Variants in CRACR2A observed in about 807,000 individuals in gnomAD.
The protein encoded by CRACR2A is EF-hand calcium-binding domain-containing protein 4B.
A neutral mutation model predicts 90.5 loss-of-function variants in CRACR2A; 79 were observed. The observed-to-expected ratio is 0.87, with a 90% CI of 0.73 to 1.05. The LOEUF (loss-of-function observed/expected upper bound fraction) is 1.05, where lower values mean the gene tolerates loss of function less well. Among genes scored for constraint, CRACR2A ranks in the 50% least tolerant of loss-of-function variants. The pLI is 0.00. For synonymous variants in CRACR2A, 338 were observed against 356.7 expected, an observed-to-expected ratio of 0.95 and a Z score of 0.59; for missense variants, 823 against 897.2, an observed-to-expected ratio of 0.92 and a Z score of 1.06.
chr12:3,710,663 C>T (rs1007356947), intron 3 of CRACR2A, among the ~76,000 whole-genome samples: 5 of 151,858 alleles, frequency 3.3e-5, no homozygotes, highest in Non-Finnish European at 7.4e-5. Context: ...CATAGTGATG[C>T]GTGCCTGTAA....
rs1946629556 is a variant in CRACR2A at position 3,746,559 on chromosome 12, G to C, written c.-387+6456C>G. ...TGTTAGACTTCCAGCCTCCAGAACT[G>C]TGAGAAAATAAATTTCGGTTGTCTG... On this transcript the variant is annotated intron_variant, in intron 1 of 19. Transcript: ENST00000440314. The surrounding 1 kb of genome is among the most constrained non-coding windows in gnomAD (Gnocchi z 4.4). Among the ~76,000 whole-genome samples the C allele has an allele frequency of 6.6e-6, 1 of 152,210 alleles. No individual in the cohort carries two copies. The highest frequency in any genetic ancestry group is 1.5e-5 in the Non-Finnish European group (1 of 68,030).
At chr12:3,625,088 TA>T (rs58630407) in intron 17 of CRACR2A, among the ~76,000 whole-genome samples, 14,203 of 151,766 alleles carry the variant, frequency 0.094, 714 homozygotes, top group Middle Eastern at 0.16. Context: ...GCTAATATCT[TA>T]AAAAAAAGGA....
intron 4 of CRACR2A, among the ~76,000 whole-genome samples, chr12:3,685,547 T>C (rs1302620938): frequency 6.6e-6 from 1 of 152,234 alleles, no homozygotes; most frequent in African/African-American, 2.4e-5. Flanking sequence ...TGGAATATTA[T>C]TCAGCCTTTA....
At chr12:3,619,732 C>G (rs1280409704) in intron 17 of CRACR2A, among the ~76,000 whole-genome samples, 1 of 152,222 alleles carries the variant, frequency 6.6e-6, no homozygotes, top group Non-Finnish European at 1.5e-5. Flanking sequence ...CCTTCCAGAG[C>G]TTACAGCACC....
intron 15 of CRACR2A, among the ~76,000 whole-genome samples, chr12:3,629,846 CAAG>C (rs765267869): frequency 1.9e-4 from 7 of 37,486 alleles, no homozygotes; most frequent in African/African-American, 8.7e-4. Context: ...AAGGAAAAGA[CAAG>C]GGGGGGGGGG....
intron 4 of CRACR2A, among the ~76,000 whole-genome samples, chr12:3,688,347 T>C (rs1289240026): frequency 5.9e-5 from 9 of 152,210 alleles, no homozygotes; most frequent in African/African-American, 2.2e-4. Flanking sequence ...CTGTAATCCA[T>C]TTTGAGTTTT....
chr12:3,617,141 A>G (rs868414450), intron 18 of CRACR2A, 111 bp from the exon 19 acceptor site: 4 of 776,386 alleles, frequency 5.2e-6, no homozygotes, highest in Non-Finnish European at 6.6e-6. Flanking sequence ...TTCCTCTCGC[A>G]GCCCCTTGAC....
intron 1 of CRACR2A, among the ~76,000 whole-genome samples, chr12:3,743,893 G>A (rs1435214631): frequency 6.6e-6 from 1 of 152,200 alleles, no homozygotes; most frequent in Non-Finnish European, 1.5e-5. Context: ...CGAGCAATAG[G>A]AAATGTGCCA....
At chr12:3,647,195 C>G (rs1445861251) in intron 11 of CRACR2A, among the ~76,000 whole-genome samples, 1 of 148,796 alleles carries the variant, frequency 6.7e-6, no homozygotes, top group East Asian at 2.0e-4. Flanking sequence ...CCCGCTGTCC[C>G]CCACCCCCAC....
chr12:3,687,346 A>G (rs1322007359), intron 4 of CRACR2A, among the ~76,000 whole-genome samples: 1 of 151,926 alleles, frequency 6.6e-6, no homozygotes, highest in Admixed American at 6.6e-5. Flanking sequence ...CCCTTCTTCC[A>G]TCCTCCACTG....
intron 1 of CRACR2A, among the ~76,000 whole-genome samples, chr12:3,748,356 C>T (rs1946655528): frequency 6.6e-6 from 1 of 152,170 alleles, no homozygotes; most frequent in Non-Finnish European, 1.5e-5. Context: ...ACTCCACCCA[C>T]CATAGAGCCT....
At chr12:3,750,090 C>A (rs918831227) in intron 1 of CRACR2A, among the ~76,000 whole-genome samples, 38 of 151,890 alleles carry the variant, frequency 2.5e-4, no homozygotes, top group African/African-American at 9.2e-4. Context: ...TGCCTGCCAC[C>A]AAGCCCAGCT....
rs1946623042 is a variant in CRACR2A at position 3,746,211 on chromosome 12, C to A, written c.-387+6804G>T. Reference sequence around the variant, plus strand: ...TATGAGCTAAATTATGTCCCCCCGACAATTCATATGTTGAAGCCCTAACTC... The same window carrying A: ...TATGAGCTAAATTATGTCCCCCCGAAAATTCATATGTTGAAGCCCTAACTC... On this transcript the variant is annotated intron_variant, in intron 1 of 19. Coordinates refer to ENST00000440314, the MANE Select transcript of CRACR2A (RefSeq NM_001144958.2). The surrounding 1 kb of genome is among the most constrained non-coding windows in gnomAD (Gnocchi z 4.4). 6.6e-6 allele frequency among the ~76,000 whole-genome samples: 1 copy of A among 152,134 alleles called. No individual in the cohort carries two copies. The highest frequency in any genetic ancestry group is 2.4e-5 in the African/African-American group (1 of 41,416).
chr12:3,724,830 C>T (rs752594143), intron 2 of CRACR2A, among the ~76,000 whole-genome samples: 3 of 152,248 alleles, frequency 2.0e-5, no homozygotes, highest in African/African-American at 7.2e-5. Context: ...TTCAGACATC[C>T]GACCTCACCC....
intron 11 of CRACR2A, among the ~76,000 whole-genome samples, chr12:3,646,519 C>T (rs1944690117): frequency 6.6e-6 from 1 of 152,200 alleles, no homozygotes; most frequent in South Asian, 2.1e-4. Flanking sequence ...CCAATTCCAC[C>T]AGTCTTGCAG....
chr12:3,641,644 G>T (rs1944573026), intron 13 of CRACR2A, 88 bp downstream of exon 13: 2 of 1,178,958 alleles, frequency 1.7e-6, no homozygotes, highest in South Asian at 2.7e-5. Flanking sequence ...CACCTCTCAA[G>T]GGGTCAGCAG....
intron 4 of CRACR2A, among the ~76,000 whole-genome samples, chr12:3,683,734 C>T (rs888232848): frequency 6.6e-6 from 1 of 152,244 alleles, no homozygotes; most frequent in Admixed American, 6.5e-5. Flanking sequence ...TCGTTAGGCA[C>T]TGTTGTGTCC....
At chr12:3,679,517 A>G (rs760392735) in intron 5 of CRACR2A, among the ~76,000 whole-genome samples, 3 of 152,150 alleles carry the variant, frequency 2.0e-5, no homozygotes, top group Non-Finnish European at 4.4e-5. Context: ...CTTCACATCT[A>G]CAAGCTCCTT....
At chr12:3,634,153 A>T (rs1056526015) in intron 14 of CRACR2A, among the ~76,000 whole-genome samples, 3 of 152,092 alleles carry the variant, frequency 2.0e-5, no homozygotes, top group Non-Finnish European at 4.4e-5. Flanking sequence ...GGGAAGGACA[A>T]GGTGGGGCGT....
Sources: gnomAD v4.1 joint callset for allele counts (sites outside exome capture counted in the v4.1 genomes callset) on GRCh38, gnomAD v4.1.1 for gene constraint, Gnocchi (gnomAD v3.1) non-coding constraint, MANE v1.5 for transcripts, NCBI Gene and HGNC (gene_info 2026-07-23, HGNC 2026-07-21) for gene names.